The following TRPC5 variants were observed in gnomAD, a reference collection of about 807,000 sequenced individuals.
TRPC5 encodes the protein transient receptor potential cation channel subfamily C member 5.
In TRPC5, 9 loss-of-function variants were observed where a neutral mutation model predicts 56.5. The ratio of observed to expected loss-of-function variants is 0.16; its 90% CI spans 0.10 to 0.28. The LOEUF (loss-of-function observed/expected upper bound fraction) is 0.28, where lower values mean the gene tolerates loss of function less well. Ranked by LOEUF, TRPC5 falls within the 10% of genes least tolerant of loss-of-function variation. The pLI is 1.00. For synonymous variants in TRPC5, 282 were observed against 278.5 expected, an observed-to-expected ratio of 1.01 and a Z score of -0.13; for missense variants, 469 against 748.9, an observed-to-expected ratio of 0.63 and a Z score of 4.36.
intron 3 of TRPC5, chrX:111,901,699 T>A: frequency 7.3e-6 from 3 of 413,369 alleles, no homozygotes; most frequent in Non-Finnish European, 8.2e-6. Context: ...CATTCTTTAC[T>A]TGATCACCAT....
At chrX:112,043,639 A>T (rs1200999353) in intron 1 of TRPC5, among the ~76,000 whole-genome samples, 2 of 96,495 alleles carry the variant, frequency 2.1e-5, no homozygotes, top group African/African-American at 8.5e-5. Context: ...CTCTGTTGAG[A>T]AGAGGTAAAA....
At chrX:112,065,807 C>A (rs1456949972) in intron 1 of TRPC5, among the ~76,000 whole-genome samples, 1 of 110,265 alleles carries the variant, frequency 9.1e-6, no homozygotes, top group East Asian at 2.9e-4. Context: ...GGAGGCAGAG[C>A]TTTCAGTGAG....
chrX:112,042,927 T>G (rs1439401471), intron 1 of TRPC5, among the ~76,000 whole-genome samples: 1 of 111,480 alleles, frequency 9.0e-6, no homozygotes, highest in Non-Finnish European at 1.9e-5. Context: ...CCTGAACTAT[T>G]CTTGCCTCTT....
chrX:112,008,056 C>T, intron 1 of TRPC5, among the ~76,000 whole-genome samples: 1 of 111,731 alleles, frequency 9.0e-6, no homozygotes, highest in Non-Finnish European at 1.9e-5. Context: ...AAGAAAGTAG[C>T]CCTCCACTAT....
intron 1 of TRPC5, among the ~76,000 whole-genome samples, chrX:112,050,165 T>C (rs1050999518): frequency 6.4e-5 from 7 of 109,268 alleles, no homozygotes; most frequent in East Asian, 2.8e-4. Flanking sequence ...CAAAACTCCA[T>C]CTCAAAAACA....
intron 1 of TRPC5, among the ~76,000 whole-genome samples, chrX:112,029,765 C>T (rs1403564874): frequency 9.0e-6 from 1 of 110,890 alleles, no homozygotes; most frequent in East Asian, 2.8e-4. Flanking sequence ...GTAGAGGACC[C>T]TTAAATGATA....
chrX:111,884,174 C>T (rs1924361411), intron 3 of TRPC5, among the ~76,000 whole-genome samples: 2 of 112,453 alleles, frequency 1.8e-5, no homozygotes, highest in African/African-American at 6.5e-5. Flanking sequence ...AAGGTACAGC[C>T]ACAGTGTAAG....
chrX:112,046,837 C>T (rs770915740), intron 1 of TRPC5, among the ~76,000 whole-genome samples: 1 of 111,717 alleles, frequency 9.0e-6, no homozygotes, highest in African/African-American at 3.3e-5. Flanking sequence ...AGAGGAGACT[C>T]AGCAGGACCA....
At chrX:112,016,439 C>G (rs1338287757) in intron 1 of TRPC5, among the ~76,000 whole-genome samples, 1 of 110,473 alleles carries the variant, frequency 9.1e-6, no homozygotes, top group Non-Finnish European at 1.9e-5. Flanking sequence ...GCAATTCAGT[C>G]TTTCTTACCT....
intron 6 of TRPC5, among the ~76,000 whole-genome samples, chrX:111,836,985 G>A (rs1922581084): frequency 8.9e-6 from 1 of 112,609 alleles, no homozygotes; most frequent in Admixed American, 9.4e-5. Flanking sequence ...TTCTCAACTT[G>A]CTAAGTGGCT....
rs1445971650 is a variant in TRPC5, at chrX:111,770,397, C to T, written c.*5916G>A. On this transcript the variant is annotated 3_prime_UTR_variant, in exon 11 of 11. Coordinates refer to ENST00000262839, the MANE Select transcript of TRPC5 (RefSeq NM_012471.3). ...TCTGAAATTTAACCCAAATATGACC[C>T]AAAATTTGAAAAATGATTTACCGGT... 1.8e-5 allele frequency among the ~76,000 whole-genome samples: 2 copies of T among 111,665 alleles called. No individual in the cohort carries two copies. The highest frequency in any genetic ancestry group is 3.8e-5 in the Non-Finnish European group (2 of 53,118).
chrX:111,931,770 T>C (rs773326370), intron 2 of TRPC5, among the ~76,000 whole-genome samples: 1 of 111,702 alleles, frequency 9.0e-6, no homozygotes, highest in African/African-American at 3.2e-5. Context: ...ACTAGATGTA[T>C]GAGCTTGGAC....
chrX:112,015,056 T>C (rs1929088240), intron 1 of TRPC5, among the ~76,000 whole-genome samples: 1 of 104,044 alleles, frequency 9.6e-6, no homozygotes, highest in Non-Finnish European at 2.0e-5. Flanking sequence ...TTTTTTGACA[T>C]AGTCTCAGAG....
At chrX:111,866,251 T>G (rs748059102) in intron 3 of TRPC5, among the ~76,000 whole-genome samples, 1 of 113,861 alleles carries the variant, frequency 8.8e-6, no homozygotes, top group African/African-American at 3.2e-5. Flanking sequence ...GCATTGAAAC[T>G]ATATTCATGT....
intron 3 of TRPC5, among the ~76,000 whole-genome samples, chrX:111,871,536 A>G (rs757551707): frequency 2.8e-4 from 31 of 111,279 alleles, no homozygotes; most frequent in Non-Finnish European, 5.8e-4. Flanking sequence ...GAGGATTACA[A>G]TAGTAACTCA....
At chrX:111,992,242 A>T (rs1928374645) in intron 1 of TRPC5, among the ~76,000 whole-genome samples, 1 of 112,530 alleles carries the variant, frequency 8.9e-6, no homozygotes, top group African/African-American at 3.2e-5. Context: ...AAACTTTTGA[A>T]GGTGATGGAT....
At position 111,769,660 on chromosome X, in the gene TRPC5, C is replaced by A. The variant is rs1252148428; in HGVS notation, c.*6653G>T. On this transcript the variant is annotated 3_prime_UTR_variant, in exon 11 of 11. Transcript: ENST00000262839. ...TTAATTAGGGGAAAAAAACTAGATT[C>A]CCAAGAACAGTTCCAGGTCCCTTAC... Among the ~76,000 whole-genome samples the A allele has an allele frequency of 8.9e-6, 1 of 111,755 alleles. No individual in the cohort carries two copies. Among genetic ancestry groups the A allele is most frequent in the African/African-American group, 3.3e-5 (1 of 30,758 alleles).
At chrX:111,947,248 C>A (rs1332812893) in intron 2 of TRPC5, among the ~76,000 whole-genome samples, 1 of 111,826 alleles carries the variant, frequency 8.9e-6, no homozygotes, top group Non-Finnish European at 1.9e-5. Context: ...AAGAGCTAAG[C>A]TGCCTGGGTT....
At chrX:112,005,463 T>TAAAAAAAAAAAAAAAAAAA (rs745973541) in intron 1 of TRPC5, among the ~76,000 whole-genome samples, 7 of 66,373 alleles carry the variant, frequency 1.1e-4, no homozygotes, top group African/African-American at 1.8e-4. Flanking sequence ...AACCTAAAAG[T>TAAAAAAAAAAAAAAAAAAA]AAAAAAAAAA....
Sources: gnomAD v4.1 joint callset for allele counts (sites outside exome capture counted in the v4.1 genomes callset) on GRCh38, gnomAD v4.1.1 for gene constraint, MANE v1.5 for transcripts, NCBI Gene and HGNC (gene_info 2026-07-23, HGNC 2026-07-21) for gene names.